The following PCDHGA2 variants were observed in gnomAD, a reference collection of about 807,000 sequenced individuals.
PCDHGA2 encodes protocadherin gamma subfamily A, 2.
PCDHGA2 carries 40 observed loss-of-function variants against 59.2 expected under a neutral mutation model. That is an observed-to-expected ratio of 0.68 (90% CI 0.52 to 0.88). The LOEUF is 0.88. PCDHGA2 is among the 40% of genes least tolerant of loss of function. PCDHGA2 has a pLI of 0.00. For synonymous variants in PCDHGA2, 560 were observed against 526.0 expected (o/e 1.06, Z -0.89); for missense variants, 1,226 against 1,204.0 (o/e 1.02, Z -0.27).
chr5:141,420,364 A>G (rs942479456), intron 1 of PCDHGA2: 8 of 1,368,440 alleles, frequency 5.8e-6, no homozygotes, highest in African/African-American at 3.0e-5. Flanking sequence ...ATTCTAGATA[A>G]CTTCTTCATA....
chr5:141,343,844 C>A, intron 1 of PCDHGA2: 1 of 521,598 alleles, frequency 1.9e-6, no homozygotes, highest in Non-Finnish European at 3.3e-6. Context: ...TTCCTTGCTC[C>A]TAAAATGCAA....
intron 1 of PCDHGA2, chr5:141,357,194 C>A (rs2149794911): frequency 6.2e-7 from 1 of 1,613,764 alleles, no homozygotes. Flanking sequence ...GTGGCTGTGG[C>A]CGACAGCATC....
chr5:141,428,119 C>CCGGGCTTTTCAGCCTGGGGCTGCACA, intron 1 of PCDHGA2: 1 of 1,606,630 alleles, frequency 6.2e-7, no homozygotes, highest in Non-Finnish European at 8.5e-7. Context: ...GCCATCGAGC[C>CCGGGCTTTTCAGCCTGGGGCTGCACA]CGGGCTTTTC....
At chr5:141,418,189 G>A in intron 1 of PCDHGA2, 1 of 1,614,046 alleles carries the variant, frequency 6.2e-7, no homozygotes, top group Admixed American at 1.7e-5. Flanking sequence ...AAGCTGTGGT[G>A]GAAAATCCTT....
intron 1 of PCDHGA2, chr5:141,427,571 G>A: frequency 1.5e-6 from 1 of 662,942 alleles, no homozygotes. Flanking sequence ...GCAAGCCTCC[G>A]CTCTCATCCA....
At chr5:141,371,350 T>C in intron 1 of PCDHGA2, 1 of 1,613,854 alleles carries the variant, frequency 6.2e-7, no homozygotes, top group Non-Finnish European at 8.5e-7. Context: ...ACAATTGGGG[T>C]GGAAGCAAAG....
At chr5:141,384,479 A>T (rs1457273587) in intron 1 of PCDHGA2, 2 of 1,614,064 alleles carry the variant, frequency 1.2e-6, no homozygotes, top group South Asian at 2.2e-5. Context: ...CAGTTGAGAG[A>T]ACTACAACTA....
At position 141,346,330 on chromosome 5, in the gene PCDHGA2, G is replaced by T. The variant is rs771815344; in HGVS notation, c.2424+4935G>T. On this transcript the variant is annotated intron_variant, in intron 1 of 3. Transcript: ENST00000394576. ...TCCCTCACTGCGGACTCGCGGAAGA[G>T]CCACCTGATTTTCCCCCAGCCCAAC... is the stretch of plus-strand genomic sequence containing the variant. 1.3e-4 allele frequency: 206 copies of T among 1,614,120 alleles called. 1 individual carries two copies. Among genetic ancestry groups the T allele is most frequent in the Middle Eastern group, 8.2e-4 (5 of 6,084 alleles).
At chr5:141,403,138 C>G in intron 1 of PCDHGA2, 1 of 1,614,036 alleles carries the variant, frequency 6.2e-7, no homozygotes, top group Non-Finnish European at 8.5e-7. Context: ...TGGCGGAGCG[C>G]CGAGTCCGCA....
chr5:141,432,178 T>C lies in PCDHGA2; in HGVS notation c.2425-62629T>C. Reference sequence around the variant, plus strand: ...ATCCCAGAGGAGTTTCCCTCGTCTCTGTGACCGCCCACGACCCCGACTGTG... The same window carrying C: ...ATCCCAGAGGAGTTTCCCTCGTCTCCGTGACCGCCCACGACCCCGACTGTG... On this transcript the variant is annotated intron_variant, in intron 1 of 3. Transcript: ENST00000394576. The surrounding 1 kb of genome is among the most constrained non-coding windows in gnomAD (Gnocchi z 6.0). 6.2e-7 allele frequency: 1 copy of C among 1,614,184 alleles called. No individual in the cohort carries two copies. The highest frequency in any genetic ancestry group is 8.5e-7 in the Non-Finnish European group (1 of 1,180,036).
chr5:141,431,239 G>A lies in PCDHGA2; in HGVS notation c.2425-63568G>A. 6.2e-7 allele frequency: 1 copy of A among 1,614,152 alleles called. No homozygotes were observed. The highest frequency in any genetic ancestry group is 1.3e-5 in the African/African-American group (1 of 75,062). On this transcript the variant is annotated intron_variant, in intron 1 of 3. Transcript: ENST00000394576. This position sits in a 1 kb window ranked among gnomAD's most constrained non-coding sequence, Gnocchi z 4.8. ...TCCCTCTACCCCACGCCTGGGATCC[G>A]GATATCGGGAAGAACTCTCTGCAGA...
chr5:141,392,360 CAATCTGATCATTCTGATCT>C (rs1372415416), intron 1 of PCDHGA2: 2 of 152,712 alleles, frequency 1.3e-5, no homozygotes, highest in Non-Finnish European at 2.9e-5. Context: ...TCCGATGCTA[CAATCTGATCATTCTGATCT>C]AATCTGATCA....
chr5:141,396,923 G>A (rs6886638), intron 1 of PCDHGA2, among the ~76,000 whole-genome samples: 45,883 of 152,076 alleles, frequency 0.3, 8,183 homozygotes, highest in African/African-American at 0.5. Context: ...TTAAAAACTC[G>A]GATGAAAGTT....
rs1342517284 is a variant in PCDHGA2 at position 141,383,674 on chromosome 5, A to G, written c.2424+42279A>G. ...TGTCCCCGAGAATGTGCCAGTGGGT[A>G]CAAGACTGCTCACGGTACATGCTAT... On this transcript the variant is annotated intron_variant, in intron 1 of 3. Coordinates refer to ENST00000394576, the MANE Select transcript of PCDHGA2 (RefSeq NM_018915.4). 9.3e-6 allele frequency: 15 copies of G among 1,614,034 alleles called. No individual in the cohort carries two copies. The East Asian group carries it at 3.3e-4, about 36-fold the overall frequency.
At position 141,510,965 on chromosome 5, in the gene PCDHGA2, C is replaced by T. The variant is rs1473736492; in HGVS notation, c.2591C>T (p.Ser864Phe). The T allele has an allele frequency of 3.1e-6, 5 of 1,614,026 alleles. No homozygotes were observed. The highest frequency in any genetic ancestry group is 4.2e-6 in the Non-Finnish European group (5 of 1,180,020). The change falls in exon 4 of 4, where the codon TCC becomes TTC. Residue 864 changes from serine (S) to phenylalanine (F), a missense_variant. Transcript: ENST00000394576. ...TCTGCAGAAGCTGCTGATGGGAGCT[C>T]CACCCTGGGAGGGGGTGCCGGCACC... ...ASASEAADGS[S>F]TLGGGAGTMG...
chr5:141,426,882 C>T, intron 1 of PCDHGA2: 1 of 456,664 alleles, frequency 2.2e-6, no homozygotes, highest in South Asian at 1.5e-5. Flanking sequence ...GCCCCTGGGC[C>T]AGGAGCAACA....
At chr5:141,400,192 G>A (rs1411721247) in intron 1 of PCDHGA2, 1 of 1,614,088 alleles carries the variant, frequency 6.2e-7, no homozygotes, top group South Asian at 1.1e-5. Context: ...GTTTTACCTA[G>A]TGGTGGCCTT....
intron 1 of PCDHGA2, chr5:141,423,619 T>A (rs1389600826): frequency 1.2e-6 from 2 of 1,608,208 alleles, no homozygotes; most frequent in Non-Finnish European, 1.7e-6. Context: ...AGCTGAAGAC[T>A]CAGCTATCAT....
At chr5:141,414,476 C>T (rs1242647918) in intron 1 of PCDHGA2, 1 of 1,613,802 alleles carries the variant, frequency 6.2e-7, no homozygotes, top group African/African-American at 1.3e-5. Flanking sequence ...GGGGGAAGTC[C>T]TCCTCTATCA....
Sources: gnomAD v4.1 joint callset for allele counts (sites outside exome capture counted in the v4.1 genomes callset) on GRCh38, gnomAD v4.1.1 for gene constraint, Gnocchi (gnomAD v3.1) non-coding constraint, MANE v1.5 for transcripts, NCBI Gene and HGNC (gene_info 2026-07-23, HGNC 2026-07-21) for gene names.